UBE2H: variants seen among roughly 807,000 people sequenced by gnomAD.
UBE2H encodes ubiquitin conjugating enzyme E2 H, also known as ubiquitin-conjugating enzyme E2 H.
Under a neutral mutation model 29.0 loss-of-function variants are expected in UBE2H, and 3 were observed. The observed-to-expected ratio is 0.10, with a 90% CI of 0.05 to 0.27. The LOEUF is 0.27. UBE2H is among the 10% of genes least tolerant of loss of function. The pLI, the probability that UBE2H is intolerant of heterozygous loss-of-function variation, is 1.00. For missense variants in UBE2H, 68 were observed against 228.2 expected, an observed-to-expected ratio of 0.30 and a Z score of 4.52; for synonymous variants, 69 against 82.9, an observed-to-expected ratio of 0.83 and a Z score of 0.91.
intron 1 of UBE2H, among the ~76,000 whole-genome samples, chr7:129,930,675 G>A (rs926682670): frequency 4.6e-5 from 7 of 151,222 alleles, no homozygotes; most frequent in South Asian, 2.1e-4. Flanking sequence ...TTGGGAGGCC[G>A]AGGCGGGTGG....
intron 1 of UBE2H, among the ~76,000 whole-genome samples, chr7:129,890,206 T>C (rs1177910780): frequency 6.6e-6 from 1 of 151,896 alleles, no homozygotes; most frequent in Non-Finnish European, 1.5e-5. Flanking sequence ...AATTTTAGCC[T>C]CTCAGACAGG....
intron 1 of UBE2H, chr7:129,949,130 G>T (rs1055820789): frequency 1.4e-5 from 6 of 425,636 alleles, no homozygotes; most frequent in African/African-American, 8.1e-5. Context: ...GGATCACCAG[G>T]GCTGTGCAAC....
intron 1 of UBE2H, among the ~76,000 whole-genome samples, chr7:129,945,412 A>G (rs1331400525): frequency 6.6e-6 from 1 of 152,226 alleles, no homozygotes; most frequent in East Asian, 1.9e-4. Flanking sequence ...GAGGATCACC[A>G]TTATCACAAA....
At chr7:129,943,837 G>A (rs954758844) in intron 1 of UBE2H, among the ~76,000 whole-genome samples, 6 of 152,156 alleles carry the variant, frequency 3.9e-5, no homozygotes, top group Non-Finnish European at 8.8e-5. Flanking sequence ...AGGAGGCAGA[G>A]GTTGCAGAGA....
chr7:129,931,144 G>A (rs910811310), intron 1 of UBE2H, among the ~76,000 whole-genome samples: 4 of 151,926 alleles, frequency 2.6e-5, no homozygotes, highest in Non-Finnish European at 5.9e-5. Context: ...CTTGAACCCA[G>A]GAGGCACAGG....
chr7:129,884,019 C>A (rs1806307153), intron 1 of UBE2H, among the ~76,000 whole-genome samples: 1 of 151,750 alleles, frequency 6.6e-6, no homozygotes, highest in Non-Finnish European at 1.5e-5. Flanking sequence ...ACGCTTGAAC[C>A]CAGGAGGCAG....
chr7:129,887,649 C>G (rs1806390534), intron 1 of UBE2H, among the ~76,000 whole-genome samples: 1 of 152,090 alleles, frequency 6.6e-6, no homozygotes, highest in Admixed American at 6.5e-5. Context: ...TTTAAGAAAG[C>G]AAAGACTGGC....
intron 5 of UBE2H, among the ~76,000 whole-genome samples, chr7:129,841,190 C>T (rs1250266771): frequency 2.6e-5 from 4 of 152,234 alleles, no homozygotes; most frequent in African/African-American, 9.6e-5. Flanking sequence ...TCTGTCATAA[C>T]TACTCAAAAC....
intron 5 of UBE2H, among the ~76,000 whole-genome samples, chr7:129,846,585 T>A (rs1805516382): frequency 6.6e-6 from 1 of 151,592 alleles, no homozygotes; most frequent in African/African-American, 2.4e-5. Flanking sequence ...AAAAAAAATG[T>A]AATATACACT....
chr7:129,924,616 TCACACACACACA>T (rs147228151), intron 1 of UBE2H, among the ~76,000 whole-genome samples: 170 of 144,010 alleles, frequency 1.2e-3, no homozygotes, highest in African/African-American at 3.2e-3. Flanking sequence ...CCTTTTACAT[TCACACACACACA>T]CACACACACA....
At chr7:129,863,046 G>A (rs907922405) in intron 3 of UBE2H, among the ~76,000 whole-genome samples, 16 of 152,178 alleles carry the variant, frequency 1.1e-4, no homozygotes, top group African/African-American at 3.6e-4. Flanking sequence ...AATAACTATG[G>A]TAAGCTTTAA....
At chr7:129,890,331 G>GTGTATATATATGTATGTATATATACA (rs1806455737) in intron 1 of UBE2H, among the ~76,000 whole-genome samples, 1 of 150,526 alleles carries the variant, frequency 6.6e-6, no homozygotes, top group African/African-American at 2.5e-5. Flanking sequence ...GTATATATAC[G>GTGTATATATATGTATGTATATATACA]TGTGTATATA....
chr7:129,911,268 T>C (rs1806930940), intron 1 of UBE2H, among the ~76,000 whole-genome samples: 1 of 151,876 alleles, frequency 6.6e-6, no homozygotes, highest in Non-Finnish European at 1.5e-5. Flanking sequence ...CTCAGGAGGC[T>C]GAGGCAGGAG....
chr7:129,897,383 A>G (rs774838544), intron 1 of UBE2H, among the ~76,000 whole-genome samples: 16 of 152,356 alleles, frequency 1.1e-4, no homozygotes, highest in Middle Eastern at 3.4e-3. Context: ...GTTATCTTGC[A>G]TAATATGAAT....
chr7:129,914,804 C>T (rs1335668062), intron 1 of UBE2H, among the ~76,000 whole-genome samples: 1 of 152,184 alleles, frequency 6.6e-6, no homozygotes, highest in Non-Finnish European at 1.5e-5. Flanking sequence ...ACAGACTGAG[C>T]TTATCTCTCA....
chr7:129,930,910 A>C (rs572444168), intron 1 of UBE2H, among the ~76,000 whole-genome samples: 943 of 38,628 alleles, frequency 0.024, 3 homozygotes, highest in African/African-American at 0.068. Context: ...CCCGTCTCAC[A>C]AAAAAAAAAA....
chr7:129,934,617 G>A (rs536598035), intron 1 of UBE2H, among the ~76,000 whole-genome samples: 3 of 128,684 alleles, frequency 2.3e-5, no homozygotes, highest in Non-Finnish European at 3.1e-5. Context: ...CAGCCTGGGC[G>A]ACAGAGCAAG....
At chr7:129,884,803 G>A (rs1405638230) in intron 1 of UBE2H, among the ~76,000 whole-genome samples, 2 of 151,948 alleles carry the variant, frequency 1.3e-5, no homozygotes, top group Non-Finnish European at 1.5e-5. Flanking sequence ...TGCTGGTCTT[G>A]AACTCTTGGG....
At chr7:129,847,451 T>C (rs970406879) in intron 5 of UBE2H, among the ~76,000 whole-genome samples, 1 of 152,030 alleles carries the variant, frequency 6.6e-6, no homozygotes, top group African/African-American at 2.4e-5. Context: ...AGTTTGAAGT[T>C]ACAGTGAGCT....
Sources: gnomAD v4.1 joint callset for allele counts (sites outside exome capture counted in the v4.1 genomes callset) on GRCh38, gnomAD v4.1.1 for gene constraint, MANE v1.5 for transcripts, NCBI Gene and HGNC (gene_info 2026-07-23, HGNC 2026-07-21) for gene names.